PARG: variants seen among roughly 807,000 people sequenced by gnomAD.
PARG encodes mitochondrial poly(ADP-ribose) glycohydrolase.
In PARG, 35 loss-of-function variants were observed where a neutral mutation model predicts 113.0. The ratio of observed to expected loss-of-function variants is 0.31; its 90% CI spans 0.24 to 0.41. The LOEUF (loss-of-function observed/expected upper bound fraction) is 0.41, where lower values mean the gene tolerates loss of function less well. PARG is among the 10% of genes least tolerant of loss of function. The pLI is 1.00. For missense variants in PARG, 797 were observed against 1,169.4 expected (o/e 0.68, Z 4.64); for synonymous variants, 330 against 409.9 (o/e 0.81, Z 2.36).
chr10:49,933,883 G>C lies in PARG; in HGVS notation c.565C>G (p.Arg189Gly). 1 of 1,596,048 alleles carries C rather than the reference G, an allele frequency of 6.3e-7. No individual in the cohort carries two copies. Among genetic ancestry groups the C allele is most frequent in the Non-Finnish European group, 8.6e-7 (1 of 1,163,630 alleles). Reference sequence around the variant, plus strand: ...CTGTGATCATCATTTTGAGGTGACCGATCAATGTTAGCATTACTAAACTGC... The same window carrying C: ...CTGTGATCATCATTTTGAGGTGACCCATCAATGTTAGCATTACTAAACTGC... ...PEQFSNANID[R>G]SPQNDDHSDT... The change falls in exon 3 of 18, where the codon CGG (arginine) becomes GGG (glycine). Residue 189 changes from arginine to glycine, a missense_variant. Coordinates refer to ENST00000616448, the MANE Select transcript of PARG (RefSeq NM_003631.5).
intron 13 of PARG, among the ~76,000 whole-genome samples, chr10:49,847,848 A>G (rs2579036): frequency 0.43 from 60,924 of 140,762 alleles, 15,314 homozygotes; most frequent in East Asian, 0.6. Flanking sequence ...ACATATTCCT[A>G]AACAATTCAA....
intron 16 of PARG, among the ~76,000 whole-genome samples, chr10:49,822,048 T>C (rs1340687830): frequency 1.3e-5 from 2 of 152,126 alleles, no homozygotes; most frequent in African/African-American, 2.4e-5. Flanking sequence ...CTATTTTGAA[T>C]TGTATTAGAG....
intron 3 of PARG, 74 bp from the exon 4 acceptor site, chr10:49,932,357 C>T: frequency 1.2e-6 from 1 of 857,816 alleles, no homozygotes; most frequent in Non-Finnish European, 2.0e-6. Flanking sequence ...AAGCACAAAA[C>T]TTACCCAGAC....
chr10:49,868,282 T>A (rs533206658), intron 10 of PARG, among the ~76,000 whole-genome samples: 1 of 152,354 alleles, frequency 6.6e-6, no homozygotes, highest in South Asian at 2.1e-4. Context: ...CCACCGTGCC[T>A]GGCCTTACGT....
intron 15 of PARG, among the ~76,000 whole-genome samples, chr10:49,835,509 G>C (rs1554830949): frequency 2.6e-5 from 4 of 152,066 alleles, no homozygotes; most frequent in Non-Finnish European, 4.4e-5. Context: ...GAACATAAAG[G>C]TAATTTGGGA....
intron 7 of PARG, chr10:49,908,521 T>C (rs1836986306): frequency 6.6e-6 from 1 of 152,122 alleles, no homozygotes; most frequent in African/African-American, 2.4e-5. Flanking sequence ...TCCACTGAAC[T>C]CCAAATCAGA....
intron 15 of PARG, among the ~76,000 whole-genome samples, chr10:49,838,143 T>C (rs886917735): frequency 6.6e-6 from 1 of 152,100 alleles, no homozygotes; most frequent in Non-Finnish European, 1.5e-5. Context: ...TTTTAAAAAA[T>C]GATTTGGCTG....
At chr10:49,896,304 G>A (rs1371350760) in intron 7 of PARG, among the ~76,000 whole-genome samples, 4 of 151,736 alleles carry the variant, frequency 2.6e-5, no homozygotes, top group Non-Finnish European at 5.9e-5. Flanking sequence ...TTTTTTTTCT[G>A]GAGACAGTCT....
At position 49,933,315 on chromosome 10, in the gene PARG, C is replaced by T. The variant is rs1554910302; in HGVS notation, c.1133G>A (p.Gly378Glu). 1 of 1,610,932 alleles carries T rather than the reference C, an allele frequency of 6.2e-7. No homozygotes were observed. Among genetic ancestry groups the T allele is most frequent in the Non-Finnish European group, 8.5e-7 (1 of 1,177,640 alleles). ...TAGTTTAGCATTTAAATCATTCATTCCAGTGCGACTCTCTCCTCCTTCAAA... is the reference window on the plus strand; with the variant it reads ...TAGTTTAGCATTTAAATCATTCATTTCAGTGCGACTCTCTCCTCCTTCAAA... ...FQFEGGESRT[G>E]MNDLNAKLPG... The change falls in exon 3 of 18, where the codon GGA becomes GAA. Residue 378 changes from glycine to glutamate, a missense_variant. Around this residue, in one of 5 missense-constraint regions of PARG, gnomAD observed 252 missense variants for 437.4 expected, o/e 0.58. Transcript: ENST00000616448.
intron 7 of PARG, among the ~76,000 whole-genome samples, chr10:49,891,036 C>T (rs527596856): frequency 1.3e-5 from 2 of 152,330 alleles, no homozygotes; most frequent in African/African-American, 4.8e-5. Flanking sequence ...GTAATCAGGC[C>T]GGGCGTGGTG....
Position 49,843,566 on chromosome 10 carries a change from T to C in PARG, c.2420A>G (p.Asp807Gly). The change falls in exon 14 of 18, where the codon GAT becomes GGT. Residue 807 changes from aspartate (D) to glycine (G), a missense_variant. By Grantham distance (94) the Asp-to-Gly change is moderately conservative. Around this residue, in one of 5 missense-constraint regions of PARG, gnomAD observed 194 missense variants for 247.1 expected, o/e 0.79. Coordinates refer to ENST00000616448, the MANE Select transcript of PARG (RefSeq NM_003631.5). ...ETYRWSRSHE[D>G]GSERDDWQRR... ...GAAACAGACTCACCTTTCACTCCCA[T>C]CTTCGTGGCTCCGGGACCAACGATA... 1 of 1,549,316 alleles carries C rather than the reference T, an allele frequency of 6.5e-7. No individual in the cohort carries two copies. Among genetic ancestry groups the C allele is most frequent in the Non-Finnish European group, 8.7e-7 (1 of 1,144,796 alleles).
At chr10:49,882,940 G>C (rs1554839741) in intron 8 of PARG, among the ~76,000 whole-genome samples, 2 of 141,570 alleles carry the variant, frequency 1.4e-5, no homozygotes, top group East Asian at 4.1e-4. Context: ...TAGGAGGTAG[G>C]GAGAGAATTT....
Position 49,837,953 on chromosome 10 carries a change from C to A in PARG, c.2541+3997G>T, listed in dbSNP as rs1845024874. ...AACAGAAAAGCCATATTGAGAAAAGCATTTAACAGGTACCTTGCTCACAGC... is the reference window on the plus strand; with the variant it reads ...AACAGAAAAGCCATATTGAGAAAAGAATTTAACAGGTACCTTGCTCACAGC... On this transcript the variant is annotated intron_variant, in intron 15 of 17. Transcript: ENST00000616448. 2.6e-5 allele frequency among the ~76,000 whole-genome samples: 4 copies of A among 152,146 alleles called. No individual in the cohort carries two copies. In the South Asian group the frequency reaches 8.3e-4, roughly 32 times the overall value.
chr10:49,926,954 T>C (rs1198846168), intron 4 of PARG, among the ~76,000 whole-genome samples: 1 of 152,166 alleles, frequency 6.6e-6, no homozygotes, highest in African/African-American at 2.4e-5. Context: ...GTGTCGGTGT[T>C]TGGCTTTACT....
At position 49,933,678 on chromosome 10, in the gene PARG, A is replaced by C; in HGVS notation, c.770T>G (p.Val257Gly). ...CASCQQDEID[V>G]VPESPLSDVG... ...ATCTGACAATGGACTCTCTGGCACC[A>C]CATCTATCTCATCTTGCTGACAACT... The change falls in exon 3 of 18, where the codon GTG becomes GGG. Residue 257 changes from valine to glycine, a missense_variant. This residue lies in a region of PARG where 284 missense variants were observed against 306.1 expected (regional missense o/e 0.93). Transcript: ENST00000616448. 5.0e-6 allele frequency: 8 copies of C among 1,610,758 alleles called. No individual in the cohort carries two copies. The highest frequency in any genetic ancestry group is 6.8e-6 in the Non-Finnish European group (8 of 1,176,988).
At chr10:49,837,794 C>T (rs995336299) in intron 15 of PARG, among the ~76,000 whole-genome samples, 1 of 152,280 alleles carries the variant, frequency 6.6e-6, no homozygotes, top group East Asian at 1.9e-4. Flanking sequence ...TTATCAGATG[C>T]CTTCCCATGT....
intron 6 of PARG, among the ~76,000 whole-genome samples, chr10:49,917,290 A>T (rs1161684151): frequency 6.6e-6 from 1 of 152,050 alleles, no homozygotes; most frequent in Non-Finnish European, 1.5e-5. Context: ...GGAGATCCAG[A>T]CCATCCTGGC....
chr10:49,923,626 T>C (rs1406617817), intron 4 of PARG, among the ~76,000 whole-genome samples: 2 of 152,046 alleles, frequency 1.3e-5, no homozygotes, highest in Admixed American at 1.3e-4. Context: ...TGAAACTGCC[T>C]CTGTAAAATA....
chr10:49,905,108 G>A (rs377600521), intron 7 of PARG, among the ~76,000 whole-genome samples: 231 of 152,364 alleles, frequency 1.5e-3, no homozygotes, highest in South Asian at 6.2e-3. Context: ...GGAATAAGAC[G>A]AGCTTTTCCT....
Sources: gnomAD v4.1 joint callset for allele counts (sites outside exome capture counted in the v4.1 genomes callset) on GRCh38, gnomAD v4.1.1 for gene constraint, gnomAD v4.1.1 regional missense constraint, MANE v1.5 for transcripts, NCBI Gene and HGNC (gene_info 2026-07-23, HGNC 2026-07-21) for gene names.